Variants in USP7 observed in about 807,000 individuals in gnomAD.
The protein encoded by USP7 is ubiquitin specific peptidase 7.
In USP7, 9 loss-of-function variants were observed where a neutral mutation model predicts 162.9. The observed-to-expected ratio is 0.06, with a 90% CI of 0.03 to 0.10. The LOEUF is 0.10. Among genes scored for constraint, USP7 ranks in the 10% least tolerant of loss-of-function variants. The probability of loss-of-function intolerance (pLI) is 1.00; values close to 1 mark genes in which losing one functional copy is unlikely to be tolerated. For synonymous variants in USP7, 562 were observed against 475.9 expected (o/e 1.18, Z -2.35); for missense variants, 715 against 1,373.7 (o/e 0.52, Z 7.58).
intron 21 of USP7, 171 bp from the exon 22 acceptor site, chr16:8,899,928 A>T (rs1010679662): frequency 1.1e-5 from 8 of 759,202 alleles, no homozygotes; most frequent in Non-Finnish European, 1.7e-5. Flanking sequence ...TCTGTAAGCG[A>T]GGCAAGTATG....
At chr16:8,955,914 C>G (rs1258390127) in intron 1 of USP7, among the ~76,000 whole-genome samples, 12 of 152,102 alleles carry the variant, frequency 7.9e-5, no homozygotes, top group Admixed American at 7.9e-4. Flanking sequence ...CACCTCTCAA[C>G]TTTTTCTGAA....
At chr16:8,920,239 C>A in intron 5 of USP7, 120 bp downstream of exon 5, 2 of 830,774 alleles carry the variant, frequency 2.4e-6, no homozygotes, top group Non-Finnish European at 3.8e-6. Flanking sequence ...TGCCACAGGG[C>A]AAGCGCAGAG....
Position 8,906,447 on chromosome 16 carries a change from T to C in USP7, c.1407A>G (p.Leu469=), listed in dbSNP as rs144447086. 7.9e-4 allele frequency: 1,281 copies of C among 1,612,196 alleles called. 5 individuals carry two copies. In the African/African-American group the frequency reaches 0.015, roughly 19 times the overall value. The change falls in exon 13 of 31, where the codon CTA becomes CTG. Residue 469 remains leucine (L), a synonymous_variant. Transcript: ENST00000344836. ...DNHGGHYVVY[L]NPKGDGKWCK... ...TTACTTTGCCATCCCCTTTGGGGTTTAGATAAACCACATAATGTCCACCAT... is the reference window on the plus strand; with the variant it reads ...TTACTTTGCCATCCCCTTTGGGGTTCAGATAAACCACATAATGTCCACCAT...
rs773465981 is a variant in USP7, at chr16:8,898,247, C to G, written c.2718+113G>C. 1.1e-5 allele frequency: 10 copies of G among 917,296 alleles called. No homozygotes were observed. In the South Asian group the frequency reaches 1.5e-4, roughly 13 times the overall value. 56.8% of individuals were successfully genotyped at this position (917,296 alleles called of 1,614,324 possible). A position where few individuals can be genotyped will look rare whatever the true frequency, so the allele number is the denominator to read the frequency against. The stretch of plus-strand genomic sequence containing the variant: ...GGGCTCCCCCAGCCCCCATCATGTG[C>G]TGTTGTTTAGAGTGTTTTTCTGTGG... On this transcript the variant is annotated intron_variant, in intron 25 of 30. Coordinates refer to ENST00000344836, the MANE Select transcript of USP7 (RefSeq NM_003470.3).
chr16:8,894,347 T>C (rs534438785), intron 30 of USP7, among the ~76,000 whole-genome samples: 3 of 152,302 alleles, frequency 2.0e-5, no homozygotes, highest in South Asian at 2.1e-4. Flanking sequence ...GCTTCTCTCC[T>C]TGAAGATCTC....
intron 1 of USP7, among the ~76,000 whole-genome samples, chr16:8,948,600 C>T (rs1239264916): frequency 6.6e-6 from 1 of 152,172 alleles, no homozygotes; most frequent in Non-Finnish European, 1.5e-5. Context: ...AGAACCTGCA[C>T]ATCTCTTTGC....
chr16:8,946,699 C>G (rs1341770959), intron 1 of USP7, among the ~76,000 whole-genome samples: 2 of 152,198 alleles, frequency 1.3e-5, no homozygotes, highest in African/African-American at 2.4e-5. Context: ...TATACCCCAG[C>G]CCCACACACC....
chr16:8,896,895 C>A, intron 26 of USP7, 104 bp downstream of exon 26: 4 of 862,260 alleles, frequency 4.6e-6, no homozygotes, highest in Non-Finnish European at 7.9e-6. Context: ...GGGAATGACG[C>A]GCATGGATCC....
chr16:8,923,151 A>T, intron 3 of USP7, 64 bp downstream of exon 3: 1 of 749,786 alleles, frequency 1.3e-6, no homozygotes, highest in Non-Finnish European at 1.6e-6. Flanking sequence ...GGCAGCAAAT[A>T]ACTTAAGATA....
At chr16:8,943,699 T>G (rs977565034) in intron 1 of USP7, among the ~76,000 whole-genome samples, 10 of 152,216 alleles carry the variant, frequency 6.6e-5, no homozygotes, top group African/African-American at 2.4e-4. Flanking sequence ...CACACTTTTC[T>G]AGAGTCAACT....
At chr16:8,894,705 CA>C in intron 29 of USP7, 65 bp from the exon 30 acceptor site, 5 of 1,611,394 alleles carry the variant, frequency 3.1e-6, no homozygotes, top group Non-Finnish European at 4.2e-6. Flanking sequence ...ACATCTCTGG[CA>C]AAAAAGCCTA....
rs1175539213 is a variant in USP7 at position 8,904,726 on chromosome 16, A to AG, written c.1574-162dup. Among the ~76,000 whole-genome samples, 4 of 151,932 alleles carry AG rather than the reference A, an allele frequency of 2.6e-5. No homozygotes were observed. In the South Asian group the frequency reaches 8.3e-4, roughly 32 times the overall value. On this transcript the variant is annotated intron_variant, in intron 14 of 30. Coordinates refer to ENST00000344836, the MANE Select transcript of USP7 (RefSeq NM_003470.3). The stretch of plus-strand genomic sequence containing the variant: ...GGGAGGCTGAGGCGGGCCGATCACG[A>AG]GGTCAGGAAATCAAGACCATCTTGG...
chr16:8,899,063 A>T, intron 23 of USP7, 58 bp downstream of exon 23: 1 of 1,545,100 alleles, frequency 6.5e-7, no homozygotes, highest in East Asian at 2.2e-5. Flanking sequence ...AAGATGTTTC[A>T]ATGAACTGTG....
chr16:8,952,726 G>A (rs762300866), intron 1 of USP7, among the ~76,000 whole-genome samples: 1 of 152,146 alleles, frequency 6.6e-6, no homozygotes, highest in African/African-American at 2.4e-5. Flanking sequence ...ACACCTTTCC[G>A]GGGATGGGAG....
chr16:8,939,603 C>G (rs975708572), intron 1 of USP7, among the ~76,000 whole-genome samples: 1 of 152,232 alleles, frequency 6.6e-6, no homozygotes, highest in Non-Finnish European at 1.5e-5. Flanking sequence ...GAGAAATCAA[C>G]TGGCCTTCCC....
At chr16:8,942,631 A>G (rs991131828) in intron 1 of USP7, among the ~76,000 whole-genome samples, 1 of 152,260 alleles carries the variant, frequency 6.6e-6, no homozygotes, top group South Asian at 2.1e-4. Flanking sequence ...CACTGCAGCC[A>G]TGACCTCCCA....
At chr16:8,895,237 C>G in intron 27 of USP7, 87 bp from the exon 28 acceptor site, 6 of 1,595,166 alleles carry the variant, frequency 3.8e-6, no homozygotes, top group Non-Finnish European at 5.1e-6. Flanking sequence ...CTACTCTAAC[C>G]CGGAGGGTAA....
intron 25 of USP7, among the ~76,000 whole-genome samples, chr16:8,897,726 A>AATAAATATAT (rs2061709465): frequency 1.4e-4 from 1 of 7,138 alleles, no homozygotes; most frequent in Admixed American, 3.2e-3. Flanking sequence ...AAAAAAAAAA[A>AATAAATATAT]ATATATATAT....
At chr16:8,910,654 AG>A (rs2141190333) in intron 11 of USP7, 90 bp downstream of exon 11, 1 of 1,174,098 alleles carries the variant, frequency 8.5e-7, no homozygotes, top group African/African-American at 1.6e-5. Context: ...ACACATGAAA[AG>A]GCACAAGCAA....
Sources: gnomAD v4.1 joint callset for allele counts (sites outside exome capture counted in the v4.1 genomes callset) on GRCh38, gnomAD v4.1.1 for gene constraint, MANE v1.5 for transcripts, NCBI Gene and HGNC (gene_info 2026-07-23, HGNC 2026-07-21) for gene names.